Variants in RAP1GAP2 observed in about 807,000 individuals in gnomAD.
RAP1GAP2 encodes the protein rap1 GTPase-activating protein 2.
A neutral mutation model predicts 95.0 loss-of-function variants in RAP1GAP2; 27 were observed. The observed-to-expected ratio is 0.28, with a 90% CI of 0.21 to 0.39. The LOEUF is 0.39. RAP1GAP2 is among the 10% of genes least tolerant of loss of function. The probability of loss-of-function intolerance (pLI) is 1.00; values close to 1 mark genes in which losing one functional copy is unlikely to be tolerated. For synonymous variants in RAP1GAP2, 373 were observed against 380.9 expected, an observed-to-expected ratio of 0.98 and a Z score of 0.24; for missense variants, 771 against 970.0, an observed-to-expected ratio of 0.79 and a Z score of 2.72.
At chr17:2,897,420 T>C (rs1220684904) in intron 2 of RAP1GAP2, among the ~76,000 whole-genome samples, 1 of 151,972 alleles carries the variant, frequency 6.6e-6, no homozygotes, top group African/African-American at 2.4e-5. Context: ...GAGACTTTTT[T>C]TTTTCTTTGA....
At chr17:2,897,597 T>C (rs2041879269) in intron 2 of RAP1GAP2, among the ~76,000 whole-genome samples, 1 of 151,918 alleles carries the variant, frequency 6.6e-6, no homozygotes, top group African/African-American at 2.4e-5. Flanking sequence ...TGACCTCAAG[T>C]GATCTGCCCA....
At chr17:2,847,567 A>C (rs2071642898) in intron 2 of RAP1GAP2, among the ~76,000 whole-genome samples, 1 of 152,216 alleles carries the variant, frequency 6.6e-6, no homozygotes, top group African/African-American at 2.4e-5. Context: ...AGAGCCAAAC[A>C]GAATAGGGTT....
At chr17:2,995,567 TC>T in intron 13 of RAP1GAP2, 101 bp downstream of exon 13, 1 of 1,478,438 alleles carries the variant, frequency 6.8e-7, no homozygotes, top group South Asian at 1.2e-5. Flanking sequence ...CCATATTCGT[TC>T]CCGTAGCCGG....
intron 23 of RAP1GAP2, among the ~76,000 whole-genome samples, chr17:3,031,826 C>T (rs1451125292): frequency 2.7e-5 from 4 of 148,972 alleles, no homozygotes; most frequent in Non-Finnish European, 5.9e-5. Context: ...TCCCCCAGTC[C>T]CTTCCTGAGC....
At chr17:2,859,933 GTT>G (rs1254637367) in intron 2 of RAP1GAP2, among the ~76,000 whole-genome samples, 2 of 143,110 alleles carry the variant, frequency 1.4e-5, no homozygotes. Flanking sequence ...TTGATTGTTT[GTT>G]TTTTTTTTTT....
intron 8 of RAP1GAP2, among the ~76,000 whole-genome samples, chr17:2,966,884 A>T (rs2044624676): frequency 6.6e-6 from 1 of 152,106 alleles, no homozygotes; most frequent in African/African-American, 2.4e-5. Flanking sequence ...CAAAGATCTA[A>T]CCCCCTTTTT....
At chr17:2,901,662 C>T (rs1471670298) in intron 2 of RAP1GAP2, among the ~76,000 whole-genome samples, 2 of 151,962 alleles carry the variant, frequency 1.3e-5, no homozygotes, top group East Asian at 1.9e-4. Context: ...TTCACCTCCT[C>T]GTGTGTGATA....
At chr17:2,777,794 T>C (rs536281072) in intron 1 of RAP1GAP2, among the ~76,000 whole-genome samples, 5 of 152,342 alleles carry the variant, frequency 3.3e-5, no homozygotes, top group African/African-American at 9.6e-5. Flanking sequence ...AGAGTTGTCC[T>C]GAGCCAGGTG....
rs2072856524 is a variant in RAP1GAP2 at position 2,871,804 on chromosome 17, T to C, written c.81-33480T>C. On this transcript the variant is annotated intron_variant, in intron 2 of 24. Coordinates refer to ENST00000254695, the MANE Select transcript of RAP1GAP2 (RefSeq NM_015085.5). The surrounding 1 kb of genome is among the most constrained non-coding windows in gnomAD (Gnocchi z 5.0). Reference sequence around the variant, plus strand: ...ATCTTTCCACACACGTGGAATGACGTAGAATGAGGTCATTCACGGCAATAT... The same window carrying C: ...ATCTTTCCACACACGTGGAATGACGCAGAATGAGGTCATTCACGGCAATAT... Among the ~76,000 whole-genome samples, 1 of 152,176 alleles carries C rather than the reference T, an allele frequency of 6.6e-6. No individual in the cohort carries two copies. The highest frequency in any genetic ancestry group is 2.4e-5 in the African/African-American group (1 of 41,438).
At chr17:2,938,638 A>G (rs2043378677) in intron 3 of RAP1GAP2, among the ~76,000 whole-genome samples, 4 of 152,172 alleles carry the variant, frequency 2.6e-5, no homozygotes, top group Non-Finnish European at 4.4e-5. Context: ...TATTTAAACC[A>G]TGTTAATTTT....
chr17:2,908,171 T>G (rs1014899956), intron 3 of RAP1GAP2, among the ~76,000 whole-genome samples: 7 of 152,158 alleles, frequency 4.6e-5, no homozygotes, highest in Non-Finnish European at 1.0e-4. Flanking sequence ...GAAGCACTGC[T>G]GTGGGCCTCT....
intron 2 of RAP1GAP2, among the ~76,000 whole-genome samples, chr17:2,835,756 C>T (rs191066688): frequency 6.6e-6 from 1 of 152,310 alleles, no homozygotes; most frequent in Admixed American, 6.5e-5. Context: ...GCAGACCTGG[C>T]AAAGTTGTTT....
rs1023993785 is a variant in RAP1GAP2 at position 2,965,995 on chromosome 17, C to T, written c.596+352C>T. Reference sequence around the variant, plus strand: ...ATCCTGCTGAGACACAGCTCCGAGTCCTGGGAGAGGGTTCGCCAGAGTGCT... The same window carrying T: ...ATCCTGCTGAGACACAGCTCCGAGTTCTGGGAGAGGGTTCGCCAGAGTGCT... On this transcript the variant is annotated intron_variant, in intron 8 of 24. Transcript: ENST00000254695. The surrounding 1 kb of genome is among the most constrained non-coding windows in gnomAD (Gnocchi z 4.7). The T allele has an allele frequency of 3.9e-6, 1 of 255,818 alleles. No homozygotes were observed. Among genetic ancestry groups the T allele is most frequent in the South Asian group, 6.6e-5 (1 of 15,190 alleles). 15.8% of individuals were successfully genotyped at this position (255,818 alleles called of 1,614,324 possible). A position where few individuals can be genotyped will look rare whatever the true frequency, so the allele number is the denominator to read the frequency against.
chr17:2,802,537 C>T (rs1057465692), intron 2 of RAP1GAP2, among the ~76,000 whole-genome samples: 2 of 152,116 alleles, frequency 1.3e-5, no homozygotes, highest in African/African-American at 4.8e-5. Context: ...TGGTGAAACC[C>T]TATCTCTGCT....
intron 2 of RAP1GAP2, among the ~76,000 whole-genome samples, chr17:2,875,519 CAGTT>C (rs1383554694): frequency 6.6e-6 from 1 of 152,104 alleles, no homozygotes; most frequent in African/African-American, 2.4e-5. Flanking sequence ...TATGTGGCAT[CAGTT>C]AGTTTAGGGC....
At chr17:2,814,616 G>C (rs945649890) in intron 2 of RAP1GAP2, among the ~76,000 whole-genome samples, 19 of 152,118 alleles carry the variant, frequency 1.2e-4, no homozygotes, top group Admixed American at 3.9e-4. Context: ...TGAGACCGTG[G>C]GAGCCTCTAG....
At chr17:2,851,945 G>T (rs764309482) in intron 2 of RAP1GAP2, among the ~76,000 whole-genome samples, 2 of 152,160 alleles carry the variant, frequency 1.3e-5, no homozygotes, top group Non-Finnish European at 2.9e-5. Context: ...CAGGCCTTCC[G>T]TTGAGGTGCA....
In RAP1GAP2 at chr17:2,857,014, C is replaced by T. The variant is rs539313762; in HGVS notation, c.81-48270C>T. On this transcript the variant is annotated intron_variant, in intron 2 of 24. Transcript: ENST00000254695. The surrounding 1 kb of genome is among the most constrained non-coding windows in gnomAD (Gnocchi z 4.0). ...CTTGCTCTGCAGGTGCTGGTGGCCA[C>T]GGGAGGCCTGGAGCAGGCTGCAGCT... Among the ~76,000 whole-genome samples, 22 of 152,320 alleles carry T rather than the reference C, an allele frequency of 1.4e-4. No individual in the cohort carries two copies. Among genetic ancestry groups the T allele is most frequent in the East Asian group, 9.6e-4 (5 of 5,186 alleles).
chr17:2,971,208 A>C (rs539008522), intron 8 of RAP1GAP2, among the ~76,000 whole-genome samples: 2 of 152,228 alleles, frequency 1.3e-5, no homozygotes, highest in Non-Finnish European at 2.9e-5. Context: ...CAATTTGATG[A>C]TAAAACTAGC....
Sources: gnomAD v4.1 joint callset for allele counts (sites outside exome capture counted in the v4.1 genomes callset) on GRCh38, gnomAD v4.1.1 for gene constraint, Gnocchi (gnomAD v3.1) non-coding constraint, MANE v1.5 for transcripts, NCBI Gene and HGNC (gene_info 2026-07-23, HGNC 2026-07-21) for gene names.